Variants in SMAD6 observed in about 807,000 individuals in gnomAD.
The protein encoded by SMAD6 is MAD homolog 6.
SMAD6 carries 103 observed loss-of-function variants against 39.4 expected under a neutral mutation model. That is an observed-to-expected ratio of 2.62 (90% CI 2.23 to 3.08). The LOEUF is 3.08. Ranked by LOEUF, SMAD6 falls within the 30% of genes most tolerant of loss-of-function variation. SMAD6 has a pLI of 0.00. For synonymous variants in SMAD6, 445 were observed against 353.3 expected, an observed-to-expected ratio of 1.26 and a Z score of -2.91; for missense variants, 1,104 against 742.9, an observed-to-expected ratio of 1.49 and a Z score of -5.65.
chr15:66,754,376 A>G (rs530948627), intron 3 of SMAD6, among the ~76,000 whole-genome samples: 56 of 152,148 alleles, frequency 3.7e-4, no homozygotes, highest in Non-Finnish European at 6.2e-4. Context: ...TCATACTTGC[A>G]TCTTCTAAAC....
intron 3 of SMAD6, among the ~76,000 whole-genome samples, chr15:66,752,327 A>G (rs771711544): frequency 5.9e-5 from 9 of 152,208 alleles, no homozygotes; most frequent in Non-Finnish European, 1.2e-4. Context: ...GCTCATGCTC[A>G]GAAGATTCAG....
chr15:66,747,862 T>C lies in SMAD6; in HGVS notation c.952+31364T>C, dbSNP rs1225273365. Among the ~76,000 whole-genome samples the C allele has an allele frequency of 1.3e-5, 2 of 152,154 alleles. No individual in the cohort carries two copies. Among genetic ancestry groups the C allele is most frequent in the Non-Finnish European group, 2.9e-5 (2 of 68,022 alleles). ...GCCATCTGTCCCTCGTAGGAACCCT[T>C]AATCCTTCCCATTCTCACCCCTGCA... On this transcript the variant is annotated intron_variant, in intron 3 of 3. Transcript: ENST00000288840. The surrounding 1 kb of genome is among the most constrained non-coding windows in gnomAD (Gnocchi z 4.5).
chr15:66,725,226 A>G lies in SMAD6; in HGVS notation c.952+8728A>G, dbSNP rs75482581. On this transcript the variant is annotated intron_variant, in intron 3 of 3. Transcript: ENST00000288840. The stretch of plus-strand genomic sequence containing the variant: ...TGGCTGCCAAGGGAAGCAGAGATGC[A>G]TTGCTTTCCCAGTTGTCCTTTGTGG... Among the ~76,000 whole-genome samples, 83 of 152,206 alleles carry G rather than the reference A, an allele frequency of 5.5e-4. 2 individuals carry two copies. The East Asian group carries it at 0.014, about 26-fold the overall frequency.
chr15:66,776,632 G>A (rs935183192), intron 3 of SMAD6, among the ~76,000 whole-genome samples: 4 of 152,220 alleles, frequency 2.6e-5, no homozygotes, highest in East Asian at 1.9e-4. Context: ...GTCCCTTGAC[G>A]CCCCCCAGGA....
At chr15:66,721,626 T>A (rs2469115) in intron 3 of SMAD6, among the ~76,000 whole-genome samples, 30,788 of 152,008 alleles carry the variant, frequency 0.2, 3,406 homozygotes, top group African/African-American at 0.3. Flanking sequence ...TAAAATGGGG[T>A]TGATAATAAC....
At chr15:66,708,869 G>T in intron 1 of SMAD6, 1 of 394,346 alleles carries the variant, frequency 2.5e-6, no homozygotes, top group Middle Eastern at 7.8e-4. Flanking sequence ...ACAACACTGT[G>T]AATATACTCA....
intron 3 of SMAD6, among the ~76,000 whole-genome samples, chr15:66,728,537 G>T (rs1893564545): frequency 2.0e-5 from 3 of 152,008 alleles, no homozygotes; most frequent in Admixed American, 2.0e-4. Flanking sequence ...CTCCTGAGTA[G>T]CTGAGATTAC....
intron 1 of SMAD6, chr15:66,704,400 A>G: frequency 4.1e-6 from 1 of 242,410 alleles, no homozygotes; most frequent in Admixed American, 5.6e-5. Context: ...GGAGAGACCA[A>G]AGAAGTAGGT....
At chr15:66,771,000 G>A (rs1236662831) in intron 3 of SMAD6, among the ~76,000 whole-genome samples, 1 of 152,242 alleles carries the variant, frequency 6.6e-6, no homozygotes, top group African/African-American at 2.4e-5. Flanking sequence ...GGAGAGTGTA[G>A]TGAAGGGAGC....
rs769111756 is a variant in SMAD6 at position 66,703,355 on chromosome 15, G to T, written c.97G>T (p.Gly33Cys). Residue 33 changes from glycine (G) to cysteine (C), a missense_variant, in exon 1 of 4, where the codon GGC (glycine) becomes TGC (cysteine). By Grantham distance (159) the Gly-to-Cys change is radical. Coordinates refer to ENST00000288840, the MANE Select transcript of SMAD6 (RefSeq NM_005585.5). ...AGGCGGCAGCGGCGGCGGCGGTGGCGGCGACGAGGATGGGAGCTTGGGCAG... is the reference window on the plus strand; with the variant it reads ...AGGCGGCAGCGGCGGCGGCGGTGGCTGCGACGAGGATGGGAGCTTGGGCAG... Reference protein sequence around the residue: ...EEGGSGGGGGGDEDGSLGSRA... With the variant: ...EEGGSGGGGGCDEDGSLGSRA... The T allele has an allele frequency of 8.1e-6, 12 of 1,480,786 alleles. No individual in the cohort carries two copies. Among genetic ancestry groups the T allele is most frequent in the African/African-American group, 1.5e-5 (1 of 67,832 alleles). 91.7% of individuals were successfully genotyped at this position (1,480,786 alleles called of 1,614,324 possible).
chr15:66,758,819 T>C (rs1224816562), intron 3 of SMAD6, among the ~76,000 whole-genome samples: 1 of 151,484 alleles, frequency 6.6e-6, no homozygotes, highest in East Asian at 1.9e-4. Context: ...CTTAACAAAA[T>C]TATGGAGAAA....
At chr15:66,716,594 CTTCTT>C in intron 3 of SMAD6, 96 bp downstream of exon 3, 1 of 905,718 alleles carries the variant, frequency 1.1e-6, no homozygotes, top group South Asian at 1.3e-5. Context: ...GACTTCCCCT[CTTCTT>C]TTTGTTTCCC....
At chr15:66,746,045 C>T (rs1356222069) in intron 3 of SMAD6, among the ~76,000 whole-genome samples, 4 of 152,116 alleles carry the variant, frequency 2.6e-5, no homozygotes, top group African/African-American at 4.8e-5. Context: ...GATAAGAGGC[C>T]GAGGCTCCCC....
At chr15:66,761,685 T>C (rs1199673364) in intron 3 of SMAD6, among the ~76,000 whole-genome samples, 2 of 152,170 alleles carry the variant, frequency 1.3e-5, no homozygotes, top group Non-Finnish European at 2.9e-5. Context: ...TGATCTCTGC[T>C]CTCTGGGCCT....
chr15:66,727,610 C>G (rs2469090), intron 3 of SMAD6, among the ~76,000 whole-genome samples: 118,191 of 152,092 alleles, frequency 0.78, 46,304 homozygotes, highest in East Asian at 0.95. Context: ...AAGGAATGAG[C>G]CCCACAGGGA....
At chr15:66,733,070 A>G (rs898375063) in intron 3 of SMAD6, among the ~76,000 whole-genome samples, 1 of 151,406 alleles carries the variant, frequency 6.6e-6, no homozygotes, top group African/African-American at 2.4e-5. Context: ...TGAAACGACT[A>G]CTCTTTTCTT....
Position 66,725,322 on chromosome 15 carries a change from A to G in SMAD6, c.952+8824A>G, listed in dbSNP as rs1893503709. Among the ~76,000 whole-genome samples the G allele has an allele frequency of 2.0e-5, 3 of 152,180 alleles. No homozygotes were observed. In the South Asian group the frequency reaches 6.2e-4, roughly 31 times the overall value. ...CAGGACCTGGCACCCCCTGCCAGAA[A>G]GGGTAAGACCTCGGGGCTGGCATCT... On this transcript the variant is annotated intron_variant, in intron 3 of 3. Coordinates refer to ENST00000288840, the MANE Select transcript of SMAD6 (RefSeq NM_005585.5).
chr15:66,765,573 G>A (rs749100319), intron 3 of SMAD6, among the ~76,000 whole-genome samples: 2 of 152,250 alleles, frequency 1.3e-5, no homozygotes, highest in Non-Finnish European at 2.9e-5. Context: ...CAGCTAGTAA[G>A]AATTACCAGA....
intron 3 of SMAD6, among the ~76,000 whole-genome samples, chr15:66,744,983 G>C (rs903774535): frequency 1.3e-5 from 2 of 152,140 alleles, no homozygotes; most frequent in African/African-American, 4.8e-5. Flanking sequence ...ATGGGGACTG[G>C]GAGAGGGTCA....
Sources: allele counts gnomAD v4.1 joint callset (sites outside exome capture counted in the v4.1 genomes callset), GRCh38; gene constraint gnomAD v4.1.1; non-coding constraint Gnocchi (gnomAD v3.1); transcripts MANE v1.5; gene names NCBI Gene and HGNC (gene_info 2026-07-23, HGNC 2026-07-21).